The following LOC128462377 variants were observed in gnomAD, a reference collection of about 807,000 sequenced individuals.
At chr16:89,373,634 G>A in the LOC128462377 span, 2 of 152,200 alleles carry the variant, frequency 1.3e-5, no homozygotes, top group Non-Finnish European at 2.9e-5. Context: ...ACATTCCCAC[G>A]AGCTGCTTTA....
At chr16:89,358,461 G>T in the LOC128462377 span, among the ~76,000 whole-genome samples, 2 of 152,180 alleles carry the variant, frequency 1.3e-5, no homozygotes, top group Non-Finnish European at 2.9e-5. Flanking sequence ...TTGGTAACTG[G>T]ATTGTTTACA....
At chr16:89,375,140 C>G in the LOC128462377 span, among the ~76,000 whole-genome samples, 1 of 152,028 alleles carries the variant, frequency 6.6e-6, no homozygotes, top group Admixed American at 6.6e-5. Context: ...GCGGGACATA[C>G]CACACTGCAC....
the LOC128462377 span, among the ~76,000 whole-genome samples, chr16:89,321,587 C>T: frequency 6.6e-6 from 1 of 152,098 alleles, no homozygotes; most frequent in East Asian, 1.9e-4. Flanking sequence ...CGGGTCCCCT[C>T]GGGCCTTCTG....
chr16:89,360,897 G>A, the LOC128462377 span, among the ~76,000 whole-genome samples: 1 of 152,218 alleles, frequency 6.6e-6, no homozygotes, highest in African/African-American at 2.4e-5. Context: ...AACCTCAACA[G>A]AATCCACGGT....
the LOC128462377 span, among the ~76,000 whole-genome samples, chr16:89,333,504 T>C: frequency 6.6e-6 from 1 of 152,244 alleles, no homozygotes. Flanking sequence ...GTCCCCCGTG[T>C]TCCTGCTGCA....
chr16:89,379,676 C>T, the LOC128462377 span, among the ~76,000 whole-genome samples: 1 of 152,188 alleles, frequency 6.6e-6, no homozygotes, highest in African/African-American at 2.4e-5. Flanking sequence ...GACTGGGACG[C>T]GAGCGCCCCA....
At chr16:89,347,481 G>A in the LOC128462377 span, among the ~76,000 whole-genome samples, 1 of 152,036 alleles carries the variant, frequency 6.6e-6, no homozygotes, top group Non-Finnish European at 1.5e-5. Context: ...CGTGGTGGCA[G>A]GCGCCGGTAG....
At chr16:89,394,430 A>G in the LOC128462377 span, among the ~76,000 whole-genome samples, 2 of 152,222 alleles carry the variant, frequency 1.3e-5, no homozygotes, top group African/African-American at 4.8e-5. Flanking sequence ...GGAGTTCAAG[A>G]CCAGACTGGC....
chr16:89,356,956 G>T, the LOC128462377 span, among the ~76,000 whole-genome samples: 1 of 152,228 alleles, frequency 6.6e-6, no homozygotes, highest in Non-Finnish European at 1.5e-5. Context: ...GCTCCCAAGT[G>T]ACCTGTGACC....
At chr16:89,388,292 G>GGTTTTTTTT in the LOC128462377 span, among the ~76,000 whole-genome samples, 1 of 61,052 alleles carries the variant, frequency 1.6e-5, no homozygotes, top group Non-Finnish European at 3.9e-5. Flanking sequence ...CCATGAGGCT[G>GGTTTTTTTT]ATTTTTTTTT....
At chr16:89,355,362 C>T in the LOC128462377 span, among the ~76,000 whole-genome samples, 1 of 152,152 alleles carries the variant, frequency 6.6e-6, no homozygotes, top group Non-Finnish European at 1.5e-5. Flanking sequence ...CCAACACAAA[C>T]GGAGGACGAT....
chr16:89,338,177 C>G, the LOC128462377 span, among the ~76,000 whole-genome samples: 2 of 152,168 alleles, frequency 1.3e-5, no homozygotes, highest in Admixed American at 1.3e-4. Flanking sequence ...TGTGCTGCCC[C>G]GAGACGCACT....
chr16:89,405,813 AG>A, the LOC128462377 span, among the ~76,000 whole-genome samples: 1 of 152,118 alleles, frequency 6.6e-6, no homozygotes, highest in Non-Finnish European at 1.5e-5. Context: ...CTCCTCACAA[AG>A]GATGCACTGC....
chr16:89,368,459 G>A, the LOC128462377 span, among the ~76,000 whole-genome samples: 1 of 134,458 alleles, frequency 7.4e-6, no homozygotes, highest in East Asian at 2.3e-4. Flanking sequence ...CTGACCTCGT[G>A]ATCCACCTGC....
chr16:89,399,319 C>T, the LOC128462377 span, among the ~76,000 whole-genome samples: 3 of 152,266 alleles, frequency 2.0e-5, no homozygotes, highest in Non-Finnish European at 4.4e-5. Context: ...AAACACCCGG[C>T]GTCCATCCAG....
At chr16:89,366,897 T>G in the LOC128462377 span, among the ~76,000 whole-genome samples, 1 of 152,246 alleles carries the variant, frequency 6.6e-6, no homozygotes, top group African/African-American at 2.4e-5. Context: ...GTTGCTGCTG[T>G]GAACGACCCT....
At chr16:89,323,314 C>G in the LOC128462377 span, 1 of 1,288,990 alleles carries the variant, frequency 7.8e-7, no homozygotes, top group Non-Finnish European at 1.0e-6. Context: ...CTATGACCCA[C>G]AGCACTGTGG....
At chr16:89,356,001 C>T in the LOC128462377 span, among the ~76,000 whole-genome samples, 60 of 152,266 alleles carry the variant, frequency 3.9e-4, no homozygotes, top group Non-Finnish European at 2.9e-4. Flanking sequence ...ACATGAGCCC[C>T]GCCCTGGGGG....
chr16:89,342,077 G>GGCCCATGGCAGGAGTGCTGCACCTCCA, the LOC128462377 span, among the ~76,000 whole-genome samples: 79 of 53,758 alleles, frequency 1.5e-3, 23 homozygotes, highest in African/African-American at 6.1e-3. Context: ...CACCTCCACC[G>GGCCCATGGCAGGAGTGCTGCACCTCCA]CCCACAGCTC....
Sources: gnomAD v4.1 joint callset for allele counts (sites outside exome capture counted in the v4.1 genomes callset) on GRCh38, gnomAD v4.1.1 for gene constraint, MANE v1.5 for transcripts.